Variants in WDR73 observed in about 807,000 individuals in gnomAD.
WDR73 encodes the protein integrator complex assembly factor WDR73.
In WDR73, 30 loss-of-function variants were observed where a neutral mutation model predicts 38.2. That is an observed-to-expected ratio of 0.79 (90% CI 0.59 to 1.06). The LOEUF is 1.06. Among genes scored for constraint, WDR73 ranks in the 50% least tolerant of loss-of-function variants. The pLI, the probability that WDR73 is intolerant of heterozygous loss-of-function variation, is 0.00. For missense variants in WDR73, 487 were observed against 467.0 expected, an observed-to-expected ratio of 1.04 and a Z score of -0.40; for synonymous variants, 197 against 176.0, an observed-to-expected ratio of 1.12 and a Z score of -0.94.
chr15:84,645,796 T>A lies in WDR73; in HGVS notation c.558A>T (p.Leu186=). The A allele has an allele frequency of 6.2e-7, 1 of 1,613,732 alleles. No homozygotes were observed. Among genetic ancestry groups the A allele is most frequent in the Non-Finnish European group, 8.5e-7 (1 of 1,179,788 alleles). ...DSEELSSLQV[L]DADTFAFCCA... is the part of the protein sequence containing the mutation. The stretch of plus-strand genomic sequence containing the variant: ...AGCAGAAGGCAAAGGTGTCTGCATC[T>A]AGGACCTGCAGGCTACTCAGCTCCT... Residue 186 remains leucine (L), a synonymous_variant, in exon 7 of 8, where the codon CTA becomes CTT. Coordinates refer to ENST00000434634, the MANE Select transcript of WDR73 (RefSeq NM_032856.5).
chr15:84,643,050 G>C lies in WDR73; in HGVS notation c.*420C>G, dbSNP rs555939696. 5.7e-6 allele frequency: 1 copy of C among 174,188 alleles called. No individual in the cohort carries two copies. Among genetic ancestry groups the C allele is most frequent in the African/African-American group, 2.4e-5 (1 of 41,652 alleles). 10.8% of individuals were successfully genotyped at this position (174,188 alleles called of 1,614,324 possible). A position where few individuals can be genotyped will look rare whatever the true frequency, so the allele number is the denominator to read the frequency against. Reference sequence around the variant, plus strand: ...CCCACTCAAGAGGAGCAGAAATCCTGTTTTGCTATTTCCTTAATTGCTACT... The same window carrying C: ...CCCACTCAAGAGGAGCAGAAATCCTCTTTTGCTATTTCCTTAATTGCTACT... On this transcript the variant is annotated 3_prime_UTR_variant, in exon 8 of 8. Coordinates refer to ENST00000434634, the MANE Select transcript of WDR73 (RefSeq NM_032856.5).
Position 84,641,856 on chromosome 15 carries a change from T to A in WDR73, c.*1614A>T, listed in dbSNP as rs950742978. ...CCTATCTGAATTTGTTTAGGTTTTT[T>A]AAATAAAAATCTTTCTTTTTTTTTA... On this transcript the variant is annotated 3_prime_UTR_variant, in exon 8 of 8. Transcript: ENST00000434634. The A allele has an allele frequency of 1.3e-5, 2 of 152,156 alleles. No individual in the cohort carries two copies. Among genetic ancestry groups the A allele is most frequent in the Non-Finnish European group, 2.9e-5 (2 of 68,040 alleles). 9.4% of individuals were successfully genotyped at this position (152,156 alleles called of 1,614,324 possible).
chr15:84,650,354 ATTTTCT>A (rs34034172), intron 3 of WDR73, among the ~76,000 whole-genome samples: 98,417 of 150,274 alleles, frequency 0.65, 33,335 homozygotes, highest in African/African-American at 0.84. Context: ...CACCCGGCTA[ATTTTCT>A]TTTTCTTTTT....
intron 3 of WDR73, 21 bp downstream of exon 3, chr15:84,652,693 A>T (rs753092824): frequency 1.5e-6 from 2 of 1,341,522 alleles, no homozygotes; most frequent in Non-Finnish European, 2.0e-6. Context: ...TGACATACTC[A>T]GCATTTATAT....
chr15:84,646,465 G>C (rs547209375), intron 5 of WDR73, 117 bp from the exon 6 acceptor site: 4 of 1,461,530 alleles, frequency 2.7e-6, no homozygotes, highest in Admixed American at 4.8e-5. Flanking sequence ...GGAGCTGCCG[G>C]CTGGCAAGAG....
intron 2 of WDR73, 71 bp downstream of exon 2, chr15:84,653,561 C>G: frequency 7.8e-7 from 1 of 1,280,396 alleles, no homozygotes; most frequent in Non-Finnish European, 1.1e-6. Context: ...TTGGGTCCCT[C>G]TAGGCTTAGC....
rs771001933 is a variant in WDR73, at chr15:84,647,929, C to G, written c.313G>C (p.Gly105Arg). 8 of 1,614,050 alleles carry G rather than the reference C, an allele frequency of 5.0e-6. No homozygotes were observed. The highest frequency in any genetic ancestry group is 6.8e-6 in the Non-Finnish European group (8 of 1,179,898). ...ACCTGCCACACCTGCAGATAACAACCTGGAAGGCCACTGGTAACCAGCAAT... is the reference window on the plus strand; with the variant it reads ...ACCTGCCACACCTGCAGATAACAACGTGGAAGGCCACTGGTAACCAGCAAT... ...TRLLVTSGLPGCYLQVWQVAE... is the reference protein window; with the variant it reads ...TRLLVTSGLPRCYLQVWQVAE... Residue 105 changes from glycine (G) to arginine (R), a missense_variant, in exon 5 of 8, where the codon GGT becomes CGT. Transcript: ENST00000434634.
chr15:84,648,768 T>G, intron 3 of WDR73, 143 bp from the exon 4 acceptor site: 1 of 661,362 alleles, frequency 1.5e-6, no homozygotes, highest in Non-Finnish European at 2.7e-6. Context: ...GTCCTGGTAT[T>G]TGGCAATGTT....
chr15:84,648,340 TG>T, intron 4 of WDR73, 196 bp downstream of exon 4: 1 of 594,462 alleles, frequency 1.7e-6, no homozygotes, highest in Non-Finnish European at 3.0e-6. Context: ...CCAAGGGCTC[TG>T]GGGGGCTATG....
In WDR73 at chr15:84,646,194, C is replaced by T. The variant is rs550248240; in HGVS notation, c.507G>A (p.Thr169=). 62 of 1,613,714 alleles carry T rather than the reference C, an allele frequency of 3.8e-5. No individual in the cohort carries two copies. The South Asian group carries it at 5.2e-4, about 13-fold the overall frequency. ...QVVDLESRKT[T]YTSDVSDSEE... The stretch of plus-strand genomic sequence containing the variant: ...AAAGTACCACGGTACCTGAGGTGTA[C>T]GTGGTCTTCCGGGACTCCAGATCAA... Residue 169 remains threonine, a synonymous_variant, in exon 6 of 8, where the codon ACG becomes ACA. Transcript: ENST00000434634.
rs1443499814 is a variant in WDR73 at position 84,642,142 on chromosome 15, C to T, written c.*1328G>A. On this transcript the variant is annotated 3_prime_UTR_variant, in exon 8 of 8. Transcript: ENST00000434634. ...AGATCACAAGGTCAAGAGATCAAGA[C>T]CATTCTGGCCAACATGGTGAAACTC... 1 of 152,102 alleles carries T rather than the reference C, an allele frequency of 6.6e-6. No individual in the cohort carries two copies. Among genetic ancestry groups the T allele is most frequent in the Non-Finnish European group, 1.5e-5 (1 of 68,034 alleles). The allele number at this position is 152,102 out of a possible 1,614,324, so 9.4% of individuals were successfully genotyped here.
At chr15:84,646,666 G>A in intron 5 of WDR73, 1 of 248,364 alleles carries the variant, frequency 4.0e-6, no homozygotes. Flanking sequence ...GAAAAGGAAT[G>A]AACATGCTGC....
chr15:84,650,829 A>G (rs1896600691), intron 3 of WDR73, among the ~76,000 whole-genome samples: 1 of 152,140 alleles, frequency 6.6e-6, no homozygotes, highest in Non-Finnish European at 1.5e-5. Context: ...ATAATTTAAA[A>G]CAAAACAAAA....
chr15:84,645,824 C>T lies in WDR73; in HGVS notation c.530G>A (p.Ser177Asn). 1 of 1,613,874 alleles carries T rather than the reference C, an allele frequency of 6.2e-7. No homozygotes were observed. Among genetic ancestry groups the T allele is most frequent in the East Asian group, 2.2e-5 (1 of 44,886 alleles). Reference protein sequence around the residue: ...KTTYTSDVSDSEELSSLQVLD... With the variant: ...KTTYTSDVSDNEELSSLQVLD... ...GACCTGCAGGCTACTCAGCTCCTCA[C>T]TGTCACTGACATCTGGAAGACCGAC... is the stretch of plus-strand genomic sequence containing the variant. The change falls in exon 7 of 8, where the codon AGT (serine) becomes AAT (asparagine). Residue 177 changes from serine to asparagine, a missense_variant. Ser to Asn is a conservative substitution (Grantham distance 46). Coordinates refer to ENST00000434634, the MANE Select transcript of WDR73 (RefSeq NM_032856.5).
chr15:84,640,110 G>A lies in WDR73; in HGVS notation c.*3360C>T, dbSNP rs1567018642. On this transcript the variant is annotated 3_prime_UTR_variant, in exon 8 of 8. Transcript: ENST00000434634. The stretch of plus-strand genomic sequence containing the variant: ...GGCGGGATGGTAATGAAATAGTGGA[G>A]GAGTCTCAAGAGGAATCCTGGAGGC... 6.6e-6 allele frequency: 1 copy of A among 152,160 alleles called. No individual in the cohort carries two copies. Among genetic ancestry groups the A allele is most frequent in the African/African-American group, 2.4e-5 (1 of 41,432 alleles). The allele number at this position is 152,160 out of a possible 1,614,324, so 9.4% of individuals were successfully genotyped here.
At chr15:84,651,894 C>T (rs1163859858) in intron 3 of WDR73, among the ~76,000 whole-genome samples, 1 of 151,852 alleles carries the variant, frequency 6.6e-6, no homozygotes, top group African/African-American at 2.4e-5. Context: ...TTTTGAGATG[C>T]AGTCTTGCTG....
At chr15:84,643,893 A>G in intron 7 of WDR73, 170 bp from the exon 8 acceptor site, 2 of 728,440 alleles carry the variant, frequency 2.7e-6, no homozygotes, top group South Asian at 4.5e-5. Context: ...CTGGGATTAC[A>G]GGCACCCAGC....
chr15:84,639,624 G>C lies in WDR73; in HGVS notation c.*3846C>G, dbSNP rs1228496813. 1 of 152,184 alleles carries C rather than the reference G, an allele frequency of 6.6e-6. No homozygotes were observed. The highest frequency in any genetic ancestry group is 1.5e-5 in the Non-Finnish European group (1 of 68,094). The allele number at this position is 152,184 out of a possible 1,614,324, so 9.4% of individuals were successfully genotyped here. On this transcript the variant is annotated 3_prime_UTR_variant, in exon 8 of 8. Transcript: ENST00000434634. ...AGTGTGAAAGACTGCTCAGTGGCTG[G>C]GGTGAGAGTCAAGTCTGGCCAGGTG...
intron 3 of WDR73, among the ~76,000 whole-genome samples, chr15:84,651,782 G>A (rs542814551): frequency 6.6e-6 from 1 of 152,164 alleles, no homozygotes; most frequent in South Asian, 2.1e-4. Context: ...TAGTCTTTGG[G>A]CCTGACCACC....
Sources: allele counts gnomAD v4.1 joint callset (sites outside exome capture counted in the v4.1 genomes callset), GRCh38; gene constraint gnomAD v4.1.1; transcripts MANE v1.5; gene names NCBI Gene and HGNC (gene_info 2026-07-23, HGNC 2026-07-21).